The following DCAF12 variants were observed in gnomAD, a reference collection of about 807,000 sequenced individuals.
DCAF12 encodes DDB1 and CUL4 associated factor 12.
DCAF12 carries 28 observed loss-of-function variants against 52.8 expected under a neutral mutation model. The observed-to-expected ratio is 0.53, with a 90% confidence interval of 0.39 to 0.73. The LOEUF (loss-of-function observed/expected upper bound fraction) is 0.73, where lower values mean the gene tolerates loss of function less well. Ranked by LOEUF, DCAF12 falls within the 30% of genes least tolerant of loss-of-function variation. The probability of loss-of-function intolerance (pLI) is 0.00; values close to 1 mark genes in which losing one functional copy is unlikely to be tolerated. For synonymous variants in DCAF12, 196 were observed against 215.5 expected, an observed-to-expected ratio of 0.91 and a Z score of 0.79; for missense variants, 425 against 552.2, an observed-to-expected ratio of 0.77 and a Z score of 2.31.
At chr9:34,096,660 T>A in intron 6 of DCAF12, 56 bp downstream of exon 6, 1 of 1,451,726 alleles carries the variant, frequency 6.9e-7, no homozygotes, top group Middle Eastern at 1.8e-4. Context: ...AGAATTACAG[T>A]ATTTTAACTG....
intron 7 of DCAF12, among the ~76,000 whole-genome samples, chr9:34,092,776 C>A (rs1168025286): frequency 2.0e-5 from 3 of 152,102 alleles, no homozygotes; most frequent in Non-Finnish European, 4.4e-5. Flanking sequence ...TGGCTCCCAA[C>A]AAAGGCTTCT....
Position 34,125,168 on chromosome 9 carries a change from T to C in DCAF12, c.188A>G (p.Tyr63Cys), listed in dbSNP as rs1432613255. ...TGCATAACCATGCAACACTCGAGAGTAGCTGGTTTCATTCTGTAGCCTGAC... is the reference window on the plus strand; with the variant it reads ...TGCATAACCATGCAACACTCGAGAGCAGCTGGTTTCATTCTGTAGCCTGAC... ...REVRLQNETS[Y>C]SRVLHGYAAQ... The change falls in exon 2 of 9, where the codon TAC becomes TGC. Residue 63 changes from tyrosine (Y) to cysteine (C), a missense_variant. Coordinates refer to ENST00000361264, the MANE Select transcript of DCAF12 (RefSeq NM_015397.4). The C allele has an allele frequency of 6.2e-7, 1 of 1,614,038 alleles. No individual in the cohort carries two copies. Among genetic ancestry groups the C allele is most frequent in the Non-Finnish European group, 8.5e-7 (1 of 1,180,016 alleles).
chr9:34,099,953 T>G (rs1198575504), intron 4 of DCAF12, among the ~76,000 whole-genome samples: 1 of 152,156 alleles, frequency 6.6e-6, no homozygotes, highest in Non-Finnish European at 1.5e-5. Flanking sequence ...ACAGCTGACT[T>G]TTAGTGGGCA....
chr9:34,104,895 G>C (rs961496796), intron 4 of DCAF12, among the ~76,000 whole-genome samples: 7 of 149,310 alleles, frequency 4.7e-5, no homozygotes, highest in African/African-American at 1.7e-4. Context: ...TTTAGCCTGG[G>C]CAACACAGCA....
chr9:34,107,085 G>T (rs1050213669), intron 3 of DCAF12, among the ~76,000 whole-genome samples: 2 of 152,114 alleles, frequency 1.3e-5, no homozygotes, highest in Non-Finnish European at 2.9e-5. Context: ...AGCCATAGAA[G>T]ACTCAATAAA....
intron 2 of DCAF12, among the ~76,000 whole-genome samples, chr9:34,110,464 C>T (rs2131437358): frequency 6.6e-6 from 1 of 152,262 alleles, no homozygotes; most frequent in African/African-American, 2.4e-5. Flanking sequence ...CTTCAGGCAA[C>T]ACCGCTATCA....
At chr9:34,089,376 C>T in intron 8 of DCAF12, 36 bp downstream of exon 8, 2 of 1,557,998 alleles carry the variant, frequency 1.3e-6, no homozygotes, top group South Asian at 1.2e-5. Flanking sequence ...TTTTCTGTTA[C>T]TGTGTAGCAG....
At chr9:34,119,702 G>GTTT (rs72391664) in intron 2 of DCAF12, among the ~76,000 whole-genome samples, 2 of 133,302 alleles carry the variant, frequency 1.5e-5, no homozygotes, top group South Asian at 2.5e-4. Flanking sequence ...TACTTTTGCG[G>GTTT]TTTTTTTTTT....
chr9:34,116,227 G>A (rs1046442648), intron 2 of DCAF12, among the ~76,000 whole-genome samples: 2 of 151,738 alleles, frequency 1.3e-5, no homozygotes, highest in Admixed American at 1.3e-4. Context: ...CATGGTGGCA[G>A]TCGCCTTTAA....
At chr9:34,122,612 G>GATT (rs1829192607) in intron 2 of DCAF12, among the ~76,000 whole-genome samples, 1 of 151,932 alleles carries the variant, frequency 6.6e-6, no homozygotes, top group Non-Finnish European at 1.5e-5. Flanking sequence ...GAGTAGCTGG[G>GATT]ATTACAGGCA....
At chr9:34,116,681 T>A (rs759133447) in intron 2 of DCAF12, among the ~76,000 whole-genome samples, 10 of 147,980 alleles carry the variant, frequency 6.8e-5, no homozygotes, top group South Asian at 6.5e-4. Context: ...ATAATAATAA[T>A]AAATTAATAA....
At chr9:34,105,398 C>T (rs190856825) in intron 4 of DCAF12, among the ~76,000 whole-genome samples, 1 of 152,242 alleles carries the variant, frequency 6.6e-6, no homozygotes, top group Admixed American at 6.5e-5. Context: ...TGCACTCCAG[C>T]CTGGGTGACA....
At chr9:34,104,322 T>C (rs1435805057) in intron 4 of DCAF12, among the ~76,000 whole-genome samples, 1 of 151,558 alleles carries the variant, frequency 6.6e-6, no homozygotes, top group Admixed American at 6.6e-5. Flanking sequence ...AGAATGTTAA[T>C]TATGTGAAAT....
At chr9:34,107,774 T>C (rs1462206800) in intron 2 of DCAF12, among the ~76,000 whole-genome samples, 1 of 152,184 alleles carries the variant, frequency 6.6e-6, no homozygotes, top group Non-Finnish European at 1.5e-5. Context: ...ATAGCAATAA[T>C]ATGCTACATG....
intron 4 of DCAF12, among the ~76,000 whole-genome samples, chr9:34,101,933 T>C (rs1305206748): frequency 6.6e-6 from 1 of 151,400 alleles, no homozygotes; most frequent in African/African-American, 2.4e-5. Flanking sequence ...GGAGGATAGC[T>C]TGAGCCTGGG....
chr9:34,106,940 C>T (rs993974016), intron 3 of DCAF12, among the ~76,000 whole-genome samples: 4 of 152,088 alleles, frequency 2.6e-5, no homozygotes, highest in African/African-American at 9.7e-5. Flanking sequence ...ACTTATCACA[C>T]TCTGATGTAT....
chr9:34,101,064 C>CT (rs3061496), intron 4 of DCAF12, among the ~76,000 whole-genome samples: 72,841 of 118,322 alleles, frequency 0.62, 22,994 homozygotes, highest in East Asian at 0.89. Flanking sequence ...CCCTCCCCAA[C>CT]TTTTTTTTTT....
At chr9:34,122,336 G>A (rs973338587) in intron 2 of DCAF12, among the ~76,000 whole-genome samples, 1 of 152,100 alleles carries the variant, frequency 6.6e-6, no homozygotes, top group Admixed American at 6.5e-5. Flanking sequence ...CTACATAAAT[G>A]ACTGCCAAAT....
chr9:34,092,970 T>C (rs10971907), intron 7 of DCAF12, among the ~76,000 whole-genome samples: 46,296 of 151,998 alleles, frequency 0.3, 7,506 homozygotes, highest in Non-Finnish European at 0.36. Context: ...CTCAGCCTCC[T>C]GAGCAGCTGG....
Sources: allele counts gnomAD v4.1 joint callset (sites outside exome capture counted in the v4.1 genomes callset), GRCh38; gene constraint gnomAD v4.1.1; transcripts MANE v1.5; gene names NCBI Gene and HGNC (gene_info 2026-07-23, HGNC 2026-07-21).